AKAP19: variants seen among roughly 807,000 people sequenced by gnomAD.
AKAP19 encodes the protein small A-kinase anchoring protein.
At chr2:190,069,699 A>G in the AKAP19 span, among the ~76,000 whole-genome samples, 3 of 152,194 alleles carry the variant, frequency 2.0e-5, no homozygotes, top group Admixed American at 1.3e-4. Context: ...AAATTCTTAG[A>G]AAGAAGTATT....
chr2:190,061,964 CTA>C, the AKAP19 span, among the ~76,000 whole-genome samples: 2 of 151,980 alleles, frequency 1.3e-5, no homozygotes, highest in African/African-American at 2.4e-5. Context: ...AGCATGCTAT[CTA>C]TATTTGCCTT....
At chr2:189,997,455 C>T in the AKAP19 span, among the ~76,000 whole-genome samples, 1 of 152,106 alleles carries the variant, frequency 6.6e-6, no homozygotes, top group Admixed American at 6.5e-5. Flanking sequence ...GCAGGGCTTG[C>T]CACAGCCATT....
At chr2:190,102,736 A>T in the AKAP19 span, among the ~76,000 whole-genome samples, 1 of 152,196 alleles carries the variant, frequency 6.6e-6, no homozygotes, top group Non-Finnish European at 1.5e-5. Flanking sequence ...CAGAGCAGAC[A>T]GATTCACGGA....
chr2:190,010,993 G>A, the AKAP19 span, among the ~76,000 whole-genome samples: 3 of 148,566 alleles, frequency 2.0e-5, no homozygotes, highest in Non-Finnish European at 4.5e-5. Flanking sequence ...CCCTTCCCAG[G>A]TTATGGTTTG....
At chr2:189,963,346 C>T in the AKAP19 span, among the ~76,000 whole-genome samples, 1 of 143,352 alleles carries the variant, frequency 7.0e-6, no homozygotes, top group Non-Finnish European at 1.5e-5. Context: ...AGGCGCCCAC[C>T]ACCACACCTG....
At chr2:190,043,892 C>G in the AKAP19 span, among the ~76,000 whole-genome samples, 22 of 152,252 alleles carry the variant, frequency 1.4e-4, no homozygotes, top group East Asian at 4.2e-3. Flanking sequence ...TTCACCAAAC[C>G]AAGGCTTTGT....
At chr2:190,164,367 T>C in the AKAP19 span, among the ~76,000 whole-genome samples, 1 of 152,090 alleles carries the variant, frequency 6.6e-6, no homozygotes, top group Non-Finnish European at 1.5e-5. Context: ...AAACCCTGTC[T>C]CTATTAAAAA....
At chr2:189,894,555 A>G in the AKAP19 span, among the ~76,000 whole-genome samples, 2 of 151,974 alleles carry the variant, frequency 1.3e-5, no homozygotes, top group African/African-American at 2.4e-5. Flanking sequence ...TTCTCGGATC[A>G]CCTCATCTGG....
chr2:190,099,727 T>C, the AKAP19 span, among the ~76,000 whole-genome samples: 1 of 152,224 alleles, frequency 6.6e-6, no homozygotes, highest in Non-Finnish European at 1.5e-5. Context: ...TGAGGTGTGC[T>C]TGTGCTTAAA....
the AKAP19 span, among the ~76,000 whole-genome samples, chr2:190,197,163 T>TA: frequency 2.2e-4 from 33 of 152,298 alleles, no homozygotes; most frequent in African/African-American, 6.7e-4. The surrounding 1 kb of genome is among the most constrained non-coding windows in gnomAD (Gnocchi z 4.0). Flanking sequence ...GGATTAGGTT[T>TA]CAATATATGA....
chr2:189,895,599 A>G, the AKAP19 span, among the ~76,000 whole-genome samples: 116 of 152,248 alleles, frequency 7.6e-4, 1 homozygote, highest in African/African-American at 2.7e-3. Flanking sequence ...TAATGTACCA[A>G]TACTGGTCTT....
chr2:190,134,401 A>C, the AKAP19 span, among the ~76,000 whole-genome samples: 6 of 152,134 alleles, frequency 3.9e-5, no homozygotes, highest in Non-Finnish European at 8.8e-5. Context: ...GGTTGGTTTC[A>C]GTTTATCAAT....
At chr2:190,149,708 T>C in the AKAP19 span, among the ~76,000 whole-genome samples, 2 of 152,238 alleles carry the variant, frequency 1.3e-5, no homozygotes, top group Admixed American at 1.3e-4. Flanking sequence ...TTCAGTTTTC[T>C]TAAATTGATT....
the AKAP19 span, among the ~76,000 whole-genome samples, chr2:189,997,184 T>C: frequency 2.0e-5 from 3 of 152,206 alleles, no homozygotes; most frequent in African/African-American, 4.8e-5. Flanking sequence ...AGGATTATTC[T>C]GTCATGAGTA....
the AKAP19 span, among the ~76,000 whole-genome samples, chr2:189,934,306 T>G: frequency 2.6e-5 from 4 of 152,050 alleles, no homozygotes; most frequent in Non-Finnish European, 5.9e-5. Context: ...TCCATTTACG[T>G]CATTTGTAAA....
chr2:190,126,151 C>T, the AKAP19 span, among the ~76,000 whole-genome samples: 3 of 150,888 alleles, frequency 2.0e-5, no homozygotes, highest in Non-Finnish European at 3.0e-5. Flanking sequence ...ATTAGCCGGG[C>T]GTGGTGGAGC....
the AKAP19 span, among the ~76,000 whole-genome samples, chr2:190,014,501 G>T: frequency 6.6e-6 from 1 of 152,164 alleles, no homozygotes; most frequent in African/African-American, 2.4e-5. Context: ...TCAACATGTG[G>T]GGATCATCAG....
chr2:190,161,672 A>G, the AKAP19 span, among the ~76,000 whole-genome samples: 1 of 152,208 alleles, frequency 6.6e-6, no homozygotes, highest in Non-Finnish European at 1.5e-5. Flanking sequence ...ACAGACGCTT[A>G]TGCAGAAGCA....
the AKAP19 span, among the ~76,000 whole-genome samples, chr2:190,158,549 C>A: frequency 6.6e-6 from 1 of 152,316 alleles, no homozygotes; most frequent in Admixed American, 6.5e-5. Flanking sequence ...CATAAACAAG[C>A]TGTACTTACA....
Sources: allele counts gnomAD v4.1 joint callset (sites outside exome capture counted in the v4.1 genomes callset), GRCh38; gene constraint gnomAD v4.1.1; non-coding constraint Gnocchi (gnomAD v3.1); transcripts MANE v1.5; gene names NCBI Gene and HGNC (gene_info 2026-07-23, HGNC 2026-07-21).